The following RPF1 variants were observed in gnomAD, a reference collection of about 807,000 sequenced individuals.
RPF1 encodes ribosome production factor 1.
In RPF1, 34 loss-of-function variants were observed where a neutral mutation model predicts 41.9. The observed-to-expected ratio is 0.81, with a 90% CI of 0.62 to 1.08. The LOEUF is 1.08. RPF1 is among the 50% of genes least tolerant of loss of function. The pLI is 0.00. For synonymous variants in RPF1, 140 were observed against 148.9 expected (o/e 0.94, Z 0.43); for missense variants, 425 against 435.2 (o/e 0.98, Z 0.21).
intron 3 of RPF1, among the ~76,000 whole-genome samples, chr1:84,486,069 G>A (rs1053337928): frequency 6.6e-6 from 1 of 152,146 alleles, no homozygotes; most frequent in Admixed American, 6.5e-5. Flanking sequence ...CCCAGAATGA[G>A]AGAACACCCA....
rs200701602 is a variant in RPF1, at chr1:84,495,985, C to T, written c.803C>T (p.Pro268Leu). The T allele has an allele frequency of 7.1e-4, 1,149 of 1,610,540 alleles. 1 individual carries two copies. The highest frequency in any genetic ancestry group is 8.9e-4 in the Non-Finnish European group (1,050 of 1,176,812). ...GGACGTATGTTTGCATCTCTCTTTC[C>T]TCATAATCCTCAATTTATCGGAAGG... ...SIGRMFASLF[P>L]HNPQFIGRQV... The change falls in exon 7 of 9, where the codon CCT (proline) becomes CTT (leucine). Residue 268 changes from proline (P) to leucine (L), a missense_variant. Pro to Leu is a moderately conservative substitution (Grantham distance 98). Transcript: ENST00000370654.
chr1:84,485,029 A>G (rs1358766480), intron 3 of RPF1, among the ~76,000 whole-genome samples: 1 of 152,180 alleles, frequency 6.6e-6, no homozygotes, highest in African/African-American at 2.4e-5. Context: ...ATAATGAGGT[A>G]TCTTGATGAT....
At chr1:84,488,188 A>G (rs12123381) in intron 3 of RPF1, among the ~76,000 whole-genome samples, 27,405 of 151,962 alleles carry the variant, frequency 0.18, 2,552 homozygotes, top group South Asian at 0.31. Flanking sequence ...ATAAATTATA[A>G]ATGGCACTAA....
intron 4 of RPF1, 46 bp downstream of exon 4, chr1:84,489,774 T>C: frequency 9.4e-7 from 1 of 1,068,204 alleles, no homozygotes; most frequent in South Asian, 1.3e-5. Context: ...AATTTTCTTA[T>C]TACTTCTATT....
In RPF1 at chr1:84,496,236, C is replaced by T. The variant is rs748978580; in HGVS notation, c.882-8C>T. 6.2e-7 allele frequency: 1 copy of T among 1,606,396 alleles called. No homozygotes were observed. On this transcript the variant is annotated splice_polypyrimidine_tract_variant and splice_region_variant and intron_variant, in intron 7 of 8. Coordinates refer to ENST00000370654, the MANE Select transcript of RPF1 (RefSeq NM_025065.7). ...TTCAGACTAATTTAACTCTTTTTGT[C>T]TTTGAAGATACATATTCAGGAGTGA...
chr1:84,492,637 T>A (rs1681855573), intron 5 of RPF1, among the ~76,000 whole-genome samples: 1 of 152,244 alleles, frequency 6.6e-6, no homozygotes. Context: ...GGCATTTTAG[T>A]AAACGTGGTA....
chr1:84,483,597 C>A (rs572408264), intron 3 of RPF1, among the ~76,000 whole-genome samples: 7 of 152,076 alleles, frequency 4.6e-5, no homozygotes, highest in Non-Finnish European at 7.4e-5. Flanking sequence ...CTTGTACTAT[C>A]GACTTTTGTA....
Position 84,489,696 on chromosome 1 carries a change from A to T in RPF1, c.430A>T (p.Ile144Phe). 1 of 1,606,792 alleles carries T rather than the reference A, an allele frequency of 6.2e-7. No homozygotes were observed. Among genetic ancestry groups the T allele is most frequent in the Non-Finnish European group, 8.5e-7 (1 of 1,173,430 alleles). ...CTTCAACAAACAGACTTCTCCCAAG[A>T]TTCTCATCACAACATCAGATAGACC... ...SYFNKQTSPK[I>F]LITTSDRPHG... Residue 144 changes from isoleucine to phenylalanine, a missense_variant, in exon 4 of 9, where the codon ATT (isoleucine) becomes TTT (phenylalanine). Coordinates refer to ENST00000370654, the MANE Select transcript of RPF1 (RefSeq NM_025065.7).
intron 5 of RPF1, among the ~76,000 whole-genome samples, chr1:84,493,597 AAAC>A (rs1300906709): frequency 1.3e-5 from 2 of 151,946 alleles, no homozygotes; most frequent in Non-Finnish European, 2.9e-5. Context: ...CAAAAAAAAA[AAAC>A]AAAAGAAAAA....
At chr1:84,495,555 G>C in intron 6 of RPF1, 100 bp downstream of exon 6, 1 of 631,466 alleles carries the variant, frequency 1.6e-6, no homozygotes, top group Non-Finnish European at 2.7e-6. Context: ...TTTAATAATG[G>C]CATTTGTTCT....
At chr1:84,493,563 C>G (rs1336430960) in intron 5 of RPF1, among the ~76,000 whole-genome samples, 1 of 150,020 alleles carries the variant, frequency 6.7e-6, no homozygotes, top group Admixed American at 6.7e-5. Context: ...GCACTTCAGC[C>G]TGGGCTGCTG....
chr1:84,493,969 TGAGAG>T (rs1372665359), intron 5 of RPF1, among the ~76,000 whole-genome samples: 1 of 152,200 alleles, frequency 6.6e-6, no homozygotes, highest in Non-Finnish European at 1.5e-5. Context: ...GAGTCTGTGA[TGAGAG>T]TAGTATGAAA....
At chr1:84,480,183 C>T (rs990650844) in intron 1 of RPF1, among the ~76,000 whole-genome samples, 2 of 152,060 alleles carry the variant, frequency 1.3e-5, no homozygotes, top group African/African-American at 4.8e-5. Context: ...TTCTGAGGCC[C>T]GGGACTGGTT....
intron 8 of RPF1, 122 bp downstream of exon 8, chr1:84,496,492 ATCT>A: frequency 3.7e-6 from 3 of 812,372 alleles, no homozygotes; most frequent in Non-Finnish European, 3.9e-6. Flanking sequence ...TGATGAAATG[ATCT>A]GTGCAGCAAA....
chr1:84,479,359 G>A lies in RPF1; in HGVS notation c.78G>A (p.Gln26=). 6.2e-7 allele frequency: 1 copy of A among 1,613,992 alleles called. No homozygotes were observed. Among genetic ancestry groups the A allele is most frequent in the Non-Finnish European group, 8.5e-7 (1 of 1,179,924 alleles). Residue 26 remains glutamine (Q), a synonymous_variant, in exon 1 of 9, where the codon CAG becomes CAA. Coordinates refer to ENST00000370654, the MANE Select transcript of RPF1 (RefSeq NM_025065.7). ...GGAAAGCCGCTGCCGAAGAACTTCAGGAGGCTGCAGGCGCTGGGGATGGGG... is the reference window on the plus strand; with the variant it reads ...GGAAAGCCGCTGCCGAAGAACTTCAAGAGGCTGCAGGCGCTGGGGATGGGG... ...LKRKAAAEEL[Q]EAAGAGDGAT... is the part of the protein sequence containing the mutation.
At chr1:84,485,645 A>G (rs1295413966) in intron 3 of RPF1, among the ~76,000 whole-genome samples, 1 of 152,078 alleles carries the variant, frequency 6.6e-6, no homozygotes, top group Non-Finnish European at 1.5e-5. Flanking sequence ...TCACCTGATA[A>G]TTTTCTCATA....
intron 3 of RPF1, among the ~76,000 whole-genome samples, chr1:84,486,674 A>G (rs1224318896): frequency 6.6e-6 from 1 of 151,672 alleles, no homozygotes; most frequent in East Asian, 1.9e-4. Flanking sequence ...CTGAGAATGT[A>G]GCTGGAGAGG....
At chr1:84,496,134 A>G (rs1476546833) in intron 7 of RPF1, 71 bp downstream of exon 7, 1 of 1,481,102 alleles carries the variant, frequency 6.8e-7, no homozygotes, top group Non-Finnish European at 9.2e-7. Flanking sequence ...CTAATTTTCC[A>G]ACATATTGTA....
rs34688892 is a variant in RPF1 at position 84,480,936 on chromosome 1, C to CTT, written c.229-12_229-11dup. ...ACTGGTTGTTTCTCAGTATTGTTCT[C>CTT]TTTTTTTTTAACCCTTTAGGAAAAG... On this transcript the variant is annotated intron_variant, in intron 1 of 8. Coordinates refer to ENST00000370654, the MANE Select transcript of RPF1 (RefSeq NM_025065.7). 4.5e-5 allele frequency: 61 copies of CTT among 1,368,716 alleles called. No homozygotes were observed. Among genetic ancestry groups the CTT allele is most frequent in the Middle Eastern group, 1.8e-4 (1 of 5,484 alleles). The allele number at this position is 1,368,716 out of a possible 1,614,324, so 84.8% of individuals were successfully genotyped here.
Sources: allele counts gnomAD v4.1 joint callset (sites outside exome capture counted in the v4.1 genomes callset), GRCh38; gene constraint gnomAD v4.1.1; transcripts MANE v1.5; gene names NCBI Gene and HGNC (gene_info 2026-07-23, HGNC 2026-07-21).